SGCZ: variants seen among roughly 807,000 people sequenced by gnomAD.
SGCZ encodes sarcoglycan zeta.
In SGCZ, 40 loss-of-function variants were observed where a neutral mutation model predicts 41.3. The ratio of observed to expected loss-of-function variants is 0.97; its 90% CI spans 0.75 to 1.26. The LOEUF (loss-of-function observed/expected upper bound fraction) is 1.26. SGCZ is among the 50% of genes most tolerant of loss of function. The pLI is 0.00. For synonymous variants in SGCZ, 206 were observed against 137.5 expected, an observed-to-expected ratio of 1.50 and a Z score of -3.49; for missense variants, 552 against 369.8, an observed-to-expected ratio of 1.49 and a Z score of -4.04.
At chr8:14,395,298 G>A (rs978618570) in intron 2 of SGCZ, among the ~76,000 whole-genome samples, 4 of 152,050 alleles carry the variant, frequency 2.6e-5, no homozygotes, top group South Asian at 2.1e-4. Context: ...TACTATTGTG[G>A]TAATAAAGAA....
chr8:15,184,027 G>A (rs559585937), intron 1 of SGCZ, among the ~76,000 whole-genome samples: 1 of 152,264 alleles, frequency 6.6e-6, no homozygotes, highest in East Asian at 1.9e-4. Flanking sequence ...TGGAAAAGCA[G>A]TTAACTACTT....
At chr8:14,098,596 C>A (rs1341169832) in intron 7 of SGCZ, among the ~76,000 whole-genome samples, 1 of 152,150 alleles carries the variant, frequency 6.6e-6, no homozygotes, top group Non-Finnish European at 1.5e-5. Context: ...CAAAAGTATT[C>A]TAGGGGCAAA....
At chr8:14,306,938 A>T (rs1236255169) in intron 3 of SGCZ, among the ~76,000 whole-genome samples, 1 of 152,234 alleles carries the variant, frequency 6.6e-6, no homozygotes, top group Non-Finnish European at 1.5e-5. Context: ...GCTTGTTTAA[A>T]TAATTCACTT....
intron 1 of SGCZ, among the ~76,000 whole-genome samples, chr8:15,085,626 C>T (rs184728551): frequency 6.6e-6 from 1 of 152,236 alleles, no homozygotes; most frequent in East Asian, 1.9e-4. Context: ...GATAATCCCT[C>T]CTTAAAAAAT....
chr8:14,215,032 A>G (rs1003082468), intron 4 of SGCZ, among the ~76,000 whole-genome samples: 5 of 152,186 alleles, frequency 3.3e-5, no homozygotes, highest in African/African-American at 1.2e-4. Context: ...ATTCGCACAT[A>G]TAGAGCACTT....
Position 14,727,793 on chromosome 8 carries a change from C to T in SGCZ, c.40-172867G>A, listed in dbSNP as rs532241310. 3.3e-5 allele frequency among the ~76,000 whole-genome samples: 5 copies of T among 152,068 alleles called. No individual in the cohort carries two copies. The East Asian group carries it at 7.8e-4, about 24-fold the overall frequency. On this transcript the variant is annotated intron_variant, in intron 1 of 7. Coordinates refer to ENST00000382080, the MANE Select transcript of SGCZ (RefSeq NM_139167.4). ...TCCCAAAGTGCTGGGCGTGAGCCAC[C>T]GCGCCCAGCCAATAATGTTCTTTTT...
intron 2 of SGCZ, among the ~76,000 whole-genome samples, chr8:14,409,186 G>A (rs184173988): frequency 2.6e-5 from 4 of 151,928 alleles, no homozygotes; most frequent in Admixed American, 6.6e-5. Context: ...TAACCAACAC[G>A]TTATTTATTA....
chr8:14,946,382 G>C (rs1410518229), intron 1 of SGCZ, among the ~76,000 whole-genome samples: 1 of 151,850 alleles, frequency 6.6e-6, no homozygotes, highest in Non-Finnish European at 1.5e-5. Context: ...GCTCTCCGCA[G>C]TCCCAAACTT....
intron 1 of SGCZ, among the ~76,000 whole-genome samples, chr8:14,985,330 G>A (rs894537413): frequency 5.9e-5 from 9 of 152,052 alleles, no homozygotes; most frequent in Non-Finnish European, 8.8e-5. Context: ...CTCATGCCCC[G>A]TTTTATACAT....
chr8:14,413,552 G>C (rs1439970008), intron 2 of SGCZ, among the ~76,000 whole-genome samples: 1 of 151,926 alleles, frequency 6.6e-6, no homozygotes, highest in Non-Finnish European at 1.5e-5. Flanking sequence ...ATTAAAACTT[G>C]TTCCATCTCT....
intron 1 of SGCZ, among the ~76,000 whole-genome samples, chr8:15,058,700 T>G (rs1037253474): frequency 3.3e-5 from 5 of 152,216 alleles, no homozygotes; most frequent in Admixed American, 1.3e-4. Context: ...AACTAGGATA[T>G]CCTGTCAACA....
At chr8:14,410,735 C>G (rs1799337660) in intron 2 of SGCZ, among the ~76,000 whole-genome samples, 1 of 151,984 alleles carries the variant, frequency 6.6e-6, no homozygotes, top group Non-Finnish European at 1.5e-5. Context: ...GTGTAATAAA[C>G]CTGCACGTTT....
At chr8:14,183,060 A>G (rs1804782505) in intron 4 of SGCZ, among the ~76,000 whole-genome samples, 1 of 152,068 alleles carries the variant, frequency 6.6e-6, no homozygotes, top group Admixed American at 6.5e-5. Context: ...GTTGATTAAG[A>G]AAAAAATTAA....
intron 6 of SGCZ, among the ~76,000 whole-genome samples, chr8:14,106,448 A>G (rs1303972745): frequency 1.3e-5 from 2 of 149,844 alleles, no homozygotes; most frequent in Non-Finnish European, 3.0e-5. Context: ...TAGTCCTTGA[A>G]GAAGGCCACT....
chr8:14,688,675 C>T (rs973520496), intron 1 of SGCZ, among the ~76,000 whole-genome samples: 10 of 152,102 alleles, frequency 6.6e-5, no homozygotes, highest in South Asian at 4.2e-4. Flanking sequence ...CTTGGCAATG[C>T]GGGCTCTTTT....
At chr8:15,224,138 G>C (rs769098441) in intron 1 of SGCZ, among the ~76,000 whole-genome samples, 1 of 152,168 alleles carries the variant, frequency 6.6e-6, no homozygotes, top group Non-Finnish European at 1.5e-5. Flanking sequence ...TAACAGGCGT[G>C]AGCCACCATG....
At chr8:14,188,824 GTTT>G (rs145555540) in intron 4 of SGCZ, among the ~76,000 whole-genome samples, 4 of 62,372 alleles carry the variant, frequency 6.4e-5, no homozygotes, top group South Asian at 1.7e-3. Flanking sequence ...TTGTTTCTTT[GTTT>G]TTTTTTGTTT....
At chr8:14,739,653 T>A (rs1799142752) in intron 1 of SGCZ, among the ~76,000 whole-genome samples, 1 of 152,048 alleles carries the variant, frequency 6.6e-6, no homozygotes, top group Non-Finnish European at 1.5e-5. Context: ...AAAACTAGTT[T>A]ATTTCTGTAC....
At chr8:14,247,391 AG>A (rs1475843358) in intron 3 of SGCZ, among the ~76,000 whole-genome samples, 1 of 152,192 alleles carries the variant, frequency 6.6e-6, no homozygotes, top group Non-Finnish European at 1.5e-5. Flanking sequence ...ATGATGCTGC[AG>A]GGAGCAGTTT....
Sources: allele counts gnomAD v4.1 joint callset (sites outside exome capture counted in the v4.1 genomes callset), GRCh38; gene constraint gnomAD v4.1.1; transcripts MANE v1.5; gene names NCBI Gene and HGNC (gene_info 2026-07-23, HGNC 2026-07-21).